KLHL32: variants seen among roughly 807,000 people sequenced by gnomAD.
KLHL32 encodes kelch-like protein 32.
In KLHL32, 35 loss-of-function variants were observed where a neutral mutation model predicts 64.8. The ratio of observed to expected loss-of-function variants is 0.54; its 90% CI spans 0.41 to 0.72. The LOEUF (loss-of-function observed/expected upper bound fraction) is 0.72, where lower values mean the gene tolerates loss of function less well. KLHL32 is among the 30% of genes least tolerant of loss of function. The pLI is 0.00. For missense variants in KLHL32, 589 were observed against 768.5 expected (o/e 0.77, Z 2.76); for synonymous variants, 259 against 281.0 (o/e 0.92, Z 0.78).
chr6:97,061,477 T>G (rs570771880), intron 4 of KLHL32, among the ~76,000 whole-genome samples: 220 of 152,184 alleles, frequency 1.4e-3, no homozygotes, highest in African/African-American at 5.1e-3. Context: ...TCCTCCAGAC[T>G]GATGAGTGAC....
chr6:97,090,167 C>A (rs1794028567), intron 6 of KLHL32, among the ~76,000 whole-genome samples: 1 of 152,084 alleles, frequency 6.6e-6, no homozygotes, highest in Non-Finnish European at 1.5e-5. Context: ...ATAAAAACAA[C>A]AATGTAGAGT....
intron 7 of KLHL32, among the ~76,000 whole-genome samples, chr6:97,117,522 T>C (rs1281503120): frequency 6.6e-6 from 1 of 152,198 alleles, no homozygotes; most frequent in South Asian, 2.1e-4. Flanking sequence ...TTTATAGTTT[T>C]TAAAAGTATG....
chr6:97,116,411 G>A (rs1042031230), intron 7 of KLHL32, among the ~76,000 whole-genome samples: 4 of 152,036 alleles, frequency 2.6e-5, no homozygotes, highest in African/African-American at 7.2e-5. Flanking sequence ...ATCTGTACTT[G>A]TCTTGGATGG....
At chr6:96,981,935 T>G (rs941665130) in intron 3 of KLHL32, among the ~76,000 whole-genome samples, 1 of 152,130 alleles carries the variant, frequency 6.6e-6, no homozygotes, top group Non-Finnish European at 1.5e-5. Context: ...TAATGTCAGT[T>G]TTTTTTAATT....
chr6:97,130,861 CAAT>C lies in KLHL32; in HGVS notation c.1522_1524del (p.Asn508del). Reference sequence around the variant, plus strand: ...TTCTTGGAGGCAATGACCTAGACTACAATAATGACCGGATCCTTGTGCGCCATA... The same window carrying C: ...TTCTTGGAGGCAATGACCTAGACTACAATGACCGGATCCTTGTGCGCCATA... On this transcript the variant is annotated inframe_deletion, in exon 9 of 11. Coordinates refer to ENST00000369261, the MANE Select transcript of KLHL32 (RefSeq NM_052904.4). 1 of 1,614,074 alleles carries C rather than the reference CAAT, an allele frequency of 6.2e-7. No homozygotes were observed. Among genetic ancestry groups the C allele is most frequent in the Non-Finnish European group, 8.5e-7 (1 of 1,179,956 alleles).
chr6:96,944,896 C>G (rs1771745222), intron 1 of KLHL32, among the ~76,000 whole-genome samples: 1 of 152,210 alleles, frequency 6.6e-6, no homozygotes, highest in African/African-American at 2.4e-5. Context: ...AGGAAAAGAG[C>G]TTTTCATGGA....
intron 6 of KLHL32, among the ~76,000 whole-genome samples, chr6:97,111,007 G>C (rs1023415953): frequency 3.3e-5 from 5 of 150,732 alleles, no homozygotes; most frequent in African/African-American, 1.2e-4. Flanking sequence ...AAGGAAGAAA[G>C]GAAAGATACC....
chr6:97,078,878 C>A (rs915648868), intron 5 of KLHL32, among the ~76,000 whole-genome samples: 2 of 152,198 alleles, frequency 1.3e-5, no homozygotes, highest in African/African-American at 2.4e-5. Context: ...CATGATTAAA[C>A]TGCAGTGTGG....
At chr6:96,961,121 T>C (rs2128025479) in intron 1 of KLHL32, among the ~76,000 whole-genome samples, 1 of 152,296 alleles carries the variant, frequency 6.6e-6, no homozygotes, top group African/African-American at 2.4e-5. Flanking sequence ...AAAGAAGACA[T>C]ATTTGGGGTT....
the KLHL32 span, among the ~76,000 whole-genome samples, chr6:96,908,419 A>G: frequency 3.9e-5 from 6 of 152,240 alleles, no homozygotes; most frequent in Non-Finnish European, 7.3e-5. Flanking sequence ...TTTGTGAGAC[A>G]CATAAAAAAT....
intron 3 of KLHL32, among the ~76,000 whole-genome samples, chr6:97,037,364 A>C (rs964028529): frequency 4.6e-5 from 7 of 151,864 alleles, no homozygotes; most frequent in African/African-American, 1.7e-4. Flanking sequence ...CATCTTATAC[A>C]TATTAATTTA....
chr6:97,015,222 G>C (rs1582712899), intron 3 of KLHL32, among the ~76,000 whole-genome samples: 2 of 152,280 alleles, frequency 1.3e-5, no homozygotes, highest in East Asian at 1.9e-4. Context: ...GTGTGAGAAT[G>C]GACCAGTACA....
intron 3 of KLHL32, among the ~76,000 whole-genome samples, chr6:97,032,187 G>C (rs1783659194): frequency 6.6e-6 from 1 of 152,162 alleles, no homozygotes; most frequent in Non-Finnish European, 1.5e-5. Context: ...TTAAAAGGGA[G>C]TTGTTTGAAA....
chr6:96,967,221 T>C, intron 2 of KLHL32, 138 bp downstream of exon 2: 1 of 695,716 alleles, frequency 1.4e-6, no homozygotes, highest in Middle Eastern at 4.1e-4. Context: ...CTTTTGTGAA[T>C]TTACTGTGGT....
At chr6:97,090,642 G>T (rs1440705511) in intron 6 of KLHL32, among the ~76,000 whole-genome samples, 1 of 152,182 alleles carries the variant, frequency 6.6e-6, no homozygotes, top group Non-Finnish European at 1.5e-5. Context: ...GAAGAAGCAA[G>T]GAATTTAAAT....
chr6:96,958,246 C>T (rs979526866), intron 1 of KLHL32, among the ~76,000 whole-genome samples: 1 of 152,130 alleles, frequency 6.6e-6, no homozygotes, highest in African/African-American at 2.4e-5. Flanking sequence ...AGTAGACCCC[C>T]CACCCCAACA....
At chr6:97,068,959 C>G (rs1790255166) in intron 5 of KLHL32, among the ~76,000 whole-genome samples, 1 of 152,084 alleles carries the variant, frequency 6.6e-6, no homozygotes, top group Non-Finnish European at 1.5e-5. Context: ...AGGCGTGCTG[C>G]TGGGATGTGA....
intron 3 of KLHL32, among the ~76,000 whole-genome samples, chr6:97,005,557 T>C (rs1310907647): frequency 6.6e-6 from 1 of 152,176 alleles, no homozygotes; most frequent in African/African-American, 2.4e-5. Flanking sequence ...TCCTATTTCT[T>C]CTAGGTGTGA....
intron 5 of KLHL32, among the ~76,000 whole-genome samples, chr6:97,082,401 G>C (rs577452452): frequency 2.0e-5 from 3 of 152,034 alleles, no homozygotes; most frequent in African/African-American, 2.4e-5. Flanking sequence ...ATCATGAGGT[G>C]AGGAAATCAA....
Sources: allele counts gnomAD v4.1 joint callset (sites outside exome capture counted in the v4.1 genomes callset), GRCh38; gene constraint gnomAD v4.1.1; transcripts MANE v1.5; gene names NCBI Gene and HGNC (gene_info 2026-07-23, HGNC 2026-07-21).